Variants in ZFHX3 observed in about 807,000 individuals in gnomAD.
ZFHX3 encodes the protein zinc finger homeobox protein 3.
In ZFHX3, 42 loss-of-function variants were observed where a neutral mutation model predicts 279.1. The ratio of observed to expected loss-of-function variants is 0.15; its 90% CI spans 0.12 to 0.19. The LOEUF is 0.19. Ranked by LOEUF, ZFHX3 falls within the 10% of genes least tolerant of loss-of-function variation. The pLI is 1.00. For synonymous variants in ZFHX3, 2,293 were observed against 1,957.8 expected, an observed-to-expected ratio of 1.17 and a Z score of -4.52; for missense variants, 4,981 against 4,754.0, an observed-to-expected ratio of 1.05 and a Z score of -1.40.
At chr16:73,846,676 A>G (rs1321449671) in intron 1 of ZFHX3, among the ~76,000 whole-genome samples, 2 of 152,234 alleles carry the variant, frequency 1.3e-5, no homozygotes, top group South Asian at 2.1e-4. Context: ...TTACTTGTGC[A>G]TGAGAAAACG....
rs770387236 is a variant in ZFHX3 at position 72,960,191 on chromosome 16, G to A, written c.-46C>T. ...TTCATTGCACCCAGTACGGAGGCTC[G>A]GACCTGAAGGGCAGAGGCAAGGGGG... is the stretch of plus-strand genomic sequence containing the variant. On this transcript the variant is annotated 5_prime_UTR_variant, in exon 2 of 10. Transcript: ENST00000268489. 1.7e-5 allele frequency: 26 copies of A among 1,495,732 alleles called. No homozygotes were observed. The highest frequency in any genetic ancestry group is 7.0e-5 in the East Asian group (3 of 43,144). 92.7% of individuals were successfully genotyped at this position (1,495,732 alleles called of 1,614,324 possible).
chr16:73,315,411 T>C (rs2015423302), intron 4 of ZFHX3, among the ~76,000 whole-genome samples: 1 of 152,138 alleles, frequency 6.6e-6, no homozygotes. Context: ...TTACTATACC[T>C]CTCGCTGATA....
chr16:72,844,887 G>C (rs570574107), intron 4 of ZFHX3, among the ~76,000 whole-genome samples: 28 of 147,162 alleles, frequency 1.9e-4, no homozygotes, highest in African/African-American at 6.0e-4. Context: ...CCTCATTTCC[G>C]AGATGAATGA....
chr16:73,114,487 G>C (rs938247632), intron 7 of ZFHX3, among the ~76,000 whole-genome samples: 3 of 151,642 alleles, frequency 2.0e-5, no homozygotes, highest in Non-Finnish European at 4.4e-5. Context: ...ACCAACCTGG[G>C]CAACATAGTG....
intron 1 of ZFHX3, among the ~76,000 whole-genome samples, chr16:73,849,504 C>T (rs1156257191): frequency 6.6e-6 from 1 of 152,104 alleles, no homozygotes. Flanking sequence ...GATAACAGGG[C>T]CTGGTTTAAA....
intron 7 of ZFHX3, among the ~76,000 whole-genome samples, chr16:73,112,235 G>A (rs1966383360): frequency 6.6e-6 from 1 of 151,834 alleles, no homozygotes; most frequent in African/African-American, 2.4e-5. Context: ...GAGAGGGGTG[G>A]GATAATGAGA....
At chr16:73,402,118 A>G (rs2017267846) in intron 3 of ZFHX3, 1 of 152,206 alleles carries the variant, frequency 6.6e-6, no homozygotes, top group Admixed American at 6.5e-5. Context: ...TTTCCCACAT[A>G]TCTGCATTTC....
intron 1 of ZFHX3, among the ~76,000 whole-genome samples, chr16:73,017,600 C>A (rs1019053077): frequency 6.6e-6 from 1 of 152,168 alleles, no homozygotes; most frequent in Non-Finnish European, 1.5e-5. Flanking sequence ...CCACCCCTCT[C>A]TGGTCTTTAG....
chr16:73,049,956 G>A (rs747498751), upstream of ZFHX3, among the ~76,000 whole-genome samples: 1 of 152,188 alleles, frequency 6.6e-6, no homozygotes, highest in Non-Finnish European at 1.5e-5. Flanking sequence ...TAGCAGGACC[G>A]CAAGCAACGT....
At chr16:73,476,322 A>G (rs1040283817) in intron 2 of ZFHX3, among the ~76,000 whole-genome samples, 2 of 152,312 alleles carry the variant, frequency 1.3e-5, no homozygotes, top group Admixed American at 6.5e-5. Flanking sequence ...TGAATAAAAT[A>G]TAACCACAAT....
chr16:73,139,157 A>C (rs1194181232), intron 6 of ZFHX3, among the ~76,000 whole-genome samples: 1 of 152,226 alleles, frequency 6.6e-6, no homozygotes, highest in Non-Finnish European at 1.5e-5. Flanking sequence ...TTACAACATC[A>C]CTGCTCATTA....
chr16:73,093,500 G>C (rs1966116061), exon 8 of ZFHX3: 1 of 503,632 alleles, frequency 2.0e-6, no homozygotes, highest in Admixed American at 2.0e-5. Flanking sequence ...AGAAGAGATG[G>C]AGTCATAGCT....
intron 2 of ZFHX3, among the ~76,000 whole-genome samples, chr16:73,622,455 G>A (rs1047361240): frequency 1.3e-5 from 2 of 152,082 alleles, no homozygotes; most frequent in Admixed American, 6.5e-5. Context: ...CCAGCTACTC[G>A]GGAGGCTGAG....
chr16:73,267,069 C>T (rs975423350), intron 4 of ZFHX3, among the ~76,000 whole-genome samples: 6 of 152,318 alleles, frequency 3.9e-5, no homozygotes, highest in Middle Eastern at 3.4e-3. Context: ...AAAGCACAAG[C>T]ATGACCTGTG....
chr16:73,300,816 A>T (rs2015039353), intron 4 of ZFHX3, among the ~76,000 whole-genome samples: 1 of 152,088 alleles, frequency 6.6e-6, no homozygotes, highest in Admixed American at 6.5e-5. Flanking sequence ...GTCCTCTTTG[A>T]CTTTGCAGAC....
rs537760282 is a variant in ZFHX3, at chr16:73,835,005, G to A, written c.-1608+56646C>T. Among the ~76,000 whole-genome samples, 5 of 152,344 alleles carry A rather than the reference G, an allele frequency of 3.3e-5. No homozygotes were observed. In the South Asian group the frequency reaches 1.0e-3, roughly 32 times the overall value. ...TTTGTAGAACAGGGAAGGACTTGAA[G>A]GAGGAGAGCGATGGAGGAAGGTGGC... On this transcript the variant is annotated intron_variant, in intron 1 of 17. Coordinates refer to the ZFHX3 transcript ENST00000641206.
At chr16:72,887,058 G>A (rs2038644342) in intron 4 of ZFHX3, among the ~76,000 whole-genome samples, 1 of 152,224 alleles carries the variant, frequency 6.6e-6, no homozygotes, top group African/African-American at 2.4e-5. Flanking sequence ...AATTTCTACT[G>A]ACTGTCGAAA....
intron 1 of ZFHX3, among the ~76,000 whole-genome samples, chr16:73,796,036 T>C (rs1043471028): frequency 2.0e-5 from 3 of 152,298 alleles, no homozygotes; most frequent in Non-Finnish European, 2.9e-5. Flanking sequence ...TCACAGCAAA[T>C]TGGGGAACAG....
chr16:73,721,801 T>C (rs1245286008), intron 1 of ZFHX3, among the ~76,000 whole-genome samples: 1 of 152,124 alleles, frequency 6.6e-6, no homozygotes, highest in African/African-American at 2.4e-5. Context: ...TCCCAGCACT[T>C]TGGGAGGCTG....
Sources: gnomAD v4.1 joint callset for allele counts (sites outside exome capture counted in the v4.1 genomes callset) on GRCh38, gnomAD v4.1.1 for gene constraint, MANE v1.5 for transcripts, NCBI Gene and HGNC (gene_info 2026-07-23, HGNC 2026-07-21) for gene names.